The following HNRNPUL1 variants were observed in gnomAD, a reference collection of about 807,000 sequenced individuals.
HNRNPUL1 encodes the protein heterogeneous nuclear ribonucleoprotein U-like protein 1.
HNRNPUL1 carries 14 observed loss-of-function variants against 108.5 expected under a neutral mutation model. That is an observed-to-expected ratio of 0.13 (90% CI 0.09 to 0.20). The LOEUF (loss-of-function observed/expected upper bound fraction) is 0.20. HNRNPUL1 is among the 10% of genes least tolerant of loss of function. The probability of loss-of-function intolerance (pLI) is 1.00; values close to 1 mark genes in which losing one functional copy is unlikely to be tolerated. For synonymous variants in HNRNPUL1, 422 were observed against 445.2 expected, an observed-to-expected ratio of 0.95 and a Z score of 0.66; for missense variants, 804 against 1,168.3, an observed-to-expected ratio of 0.69 and a Z score of 4.55.
At chr19:41,270,847 G>A (rs149293272) in intron 2 of HNRNPUL1, among the ~76,000 whole-genome samples, 7,045 of 151,984 alleles carry the variant, frequency 0.046, 250 homozygotes, top group Non-Finnish European at 0.07. Context: ...TGCCTGCCTC[G>A]GCCTCCCAGA....
intron 7 of HNRNPUL1, among the ~76,000 whole-genome samples, chr19:41,287,636 C>T (rs943339215): frequency 6.6e-6 from 1 of 152,036 alleles, no homozygotes; most frequent in African/African-American, 2.4e-5. Context: ...CTCAGCTCAC[C>T]ACAACCTCCA....
At chr19:41,268,945 A>C (rs530302973) in intron 2 of HNRNPUL1, among the ~76,000 whole-genome samples, 1 of 152,092 alleles carries the variant, frequency 6.6e-6, no homozygotes, top group Non-Finnish European at 1.5e-5. Context: ...GAATCTTAGA[A>C]TGGGGGAGCC....
At chr19:41,276,966 C>G (rs1027972912) in intron 5 of HNRNPUL1, among the ~76,000 whole-genome samples, 10 of 151,944 alleles carry the variant, frequency 6.6e-5, no homozygotes, top group Middle Eastern at 3.2e-3. Flanking sequence ...GGCATGGTGG[C>G]GGGTGCCTGC....
chr19:41,282,293 C>T (rs1175336573), intron 7 of HNRNPUL1, among the ~76,000 whole-genome samples: 1 of 152,152 alleles, frequency 6.6e-6, no homozygotes, highest in African/African-American at 2.4e-5. Context: ...AGCGATTCTC[C>T]TGCCTCAGCC....
chr19:41,274,390 G>C (rs889259602), intron 4 of HNRNPUL1, among the ~76,000 whole-genome samples: 1 of 152,262 alleles, frequency 6.6e-6, no homozygotes, highest in Middle Eastern at 3.4e-3. Context: ...GTACACACAG[G>C]GGTTGTCATC....
chr19:41,289,711 GTCTT>G (rs1406091468), intron 7 of HNRNPUL1, among the ~76,000 whole-genome samples: 16 of 132,844 alleles, frequency 1.2e-4, no homozygotes, highest in African/African-American at 5.0e-4. Context: ...GCTCTCCATG[GTCTT>G]TTTTTTTTTT....
upstream of HNRNPUL1, among the ~76,000 whole-genome samples, chr19:41,263,583 C>G (rs755934403): frequency 3.4e-4 from 52 of 152,304 alleles, no homozygotes; most frequent in Middle Eastern, 3.4e-3. Flanking sequence ...TTTCTATAGC[C>G]AAACCTTCGG....
At chr19:41,273,797 T>A (rs138070810) in intron 3 of HNRNPUL1, among the ~76,000 whole-genome samples, 185 bp from the exon 4 acceptor site, 1 of 152,336 alleles carries the variant, frequency 6.6e-6, no homozygotes, top group African/African-American at 2.4e-5. Flanking sequence ...CCGTAGGAGT[T>A]GACGGTCATT....
chr19:41,270,798 T>C (rs546707694), intron 2 of HNRNPUL1, among the ~76,000 whole-genome samples: 4 of 152,188 alleles, frequency 2.6e-5, no homozygotes, highest in African/African-American at 9.6e-5. Flanking sequence ...GGTTTCACCA[T>C]GTTGGCCAGG....
chr19:41,294,613 A>C lies in HNRNPUL1; in HGVS notation c.1445A>C (p.Gln482Pro). The change falls in exon 10 of 15, where the codon CAG (glutamine) becomes CCG (proline). Residue 482 changes from glutamine to proline, a missense_variant. By Grantham distance (76) the Gln-to-Pro change is moderately conservative. Coordinates refer to ENST00000392006, the MANE Select transcript of HNRNPUL1 (RefSeq NM_007040.6). This position sits in a 1 kb window ranked among gnomAD's most constrained non-coding sequence, Gnocchi z 4.3. ...GCTGGCCGCTGGGATGTCCTGATCCAGCAGGCCACCCAGTGCCTCAACCGC... is the reference window on the plus strand; with the variant it reads ...GCTGGCCGCTGGGATGTCCTGATCCCGCAGGCCACCCAGTGCCTCAACCGC... ...NYAGRWDVLI[Q>P]QATQCLNRLI... The C allele has an allele frequency of 6.2e-7, 1 of 1,614,216 alleles. No individual in the cohort carries two copies. Among genetic ancestry groups the C allele is most frequent in the Non-Finnish European group, 8.5e-7 (1 of 1,180,046 alleles).
Position 41,264,439 on chromosome 19 carries a change from G to A in HNRNPUL1, c.-65G>A, listed in dbSNP as rs994265630. ...CCCCCTTCGCCTCCTGACAGGAAAG[G>A]TTTAAGGGGGACAGAGCCCTGGGAG... is the stretch of plus-strand genomic sequence containing the variant. On this transcript the variant is annotated 5_prime_UTR_variant, in exon 1 of 15. Coordinates refer to ENST00000392006, the MANE Select transcript of HNRNPUL1 (RefSeq NM_007040.6). The A allele has an allele frequency of 7.7e-7, 1 of 1,303,974 alleles. No homozygotes were observed. Among genetic ancestry groups the A allele is most frequent in the Non-Finnish European group, 9.8e-7 (1 of 1,018,116 alleles). The allele number at this position is 1,303,974 out of a possible 1,614,324, so 80.8% of individuals were successfully genotyped here. A position where few individuals can be genotyped will look rare whatever the true frequency, so the allele number is the denominator to read the frequency against.
Position 41,276,316 on chromosome 19 carries a change from A to G in HNRNPUL1, c.786+18A>G. The stretch of plus-strand genomic sequence containing the variant: ...AGATGAAGGTGAGTAGGAGCAAGAG[A>G]AGGGGAAGGGACAGAGAAGTCCATC... On this transcript the variant is annotated intron_variant, in intron 5 of 14. Transcript: ENST00000392006. 6.3e-7 allele frequency: 1 copy of G among 1,594,162 alleles called. No individual in the cohort carries two copies. Among genetic ancestry groups the G allele is most frequent in the Non-Finnish European group, 8.6e-7 (1 of 1,167,518 alleles).
chr19:41,295,815 C>T (rs915536330), intron 10 of HNRNPUL1, among the ~76,000 whole-genome samples: 1 of 152,162 alleles, frequency 6.6e-6, no homozygotes, highest in East Asian at 1.9e-4. Context: ...AGAAAGGAAT[C>T]GCCAGAGACC....
intron 10 of HNRNPUL1, among the ~76,000 whole-genome samples, chr19:41,300,805 C>T (rs572079559): frequency 1.6e-4 from 25 of 152,178 alleles, no homozygotes; most frequent in Admixed American, 7.2e-4. Flanking sequence ...ACTGCACTTG[C>T]GAAAAGCAGA....
chr19:41,276,056 T>A lies in HNRNPUL1; in HGVS notation c.647-103T>A. On this transcript the variant is annotated intron_variant, in intron 4 of 14. Transcript: ENST00000392006. ...AGGCGGAGGTTGCGGTGAGCCAAGA[T>A]CGCACCATTGCACTCCAGCCTGGGC... 5 of 1,475,518 alleles carry A rather than the reference T, an allele frequency of 3.4e-6. No individual in the cohort carries two copies. In the Admixed American group the frequency reaches 6.7e-5, roughly 20 times the overall value. 91.4% of individuals were successfully genotyped at this position (1,475,518 alleles called of 1,614,324 possible).
At chr19:41,289,547 GAAC>G (rs1341115531) in intron 7 of HNRNPUL1, among the ~76,000 whole-genome samples, 2 of 152,038 alleles carry the variant, frequency 1.3e-5, no homozygotes, top group African/African-American at 4.8e-5. Flanking sequence ...GTTTCAGCAG[GAAC>G]AACAACACAA....
intron 5 of HNRNPUL1, among the ~76,000 whole-genome samples, chr19:41,277,096 CA>C (rs569222478): frequency 0.025 from 2,497 of 101,496 alleles, 89 homozygotes; most frequent in African/African-American, 0.081. Flanking sequence ...GACTCTGTCT[CA>C]AAAAAAAAAA....
chr19:41,268,444 C>A, intron 2 of HNRNPUL1, 99 bp downstream of exon 2: 2 of 1,312,796 alleles, frequency 1.5e-6, no homozygotes, highest in Non-Finnish European at 2.1e-6. Flanking sequence ...AACTGTGCAT[C>A]TTTTTTCTTG....
At chr19:41,283,479 G>T (rs1027197380) in intron 7 of HNRNPUL1, among the ~76,000 whole-genome samples, 3 of 151,822 alleles carry the variant, frequency 2.0e-5, no homozygotes, top group African/African-American at 7.3e-5. Context: ...GTTTTGAGAC[G>T]GAGTCTTACT....
Sources: allele counts gnomAD v4.1 joint callset (sites outside exome capture counted in the v4.1 genomes callset), GRCh38; gene constraint gnomAD v4.1.1; non-coding constraint Gnocchi (gnomAD v3.1); transcripts MANE v1.5; gene names NCBI Gene and HGNC (gene_info 2026-07-23, HGNC 2026-07-21).